The following C9 variants were observed in gnomAD, a reference collection of about 807,000 sequenced individuals.
The protein encoded by C9 is complement C9, also known as complement component C9.
A neutral mutation model predicts 65.4 loss-of-function variants in C9; 63 were observed. That is an observed-to-expected ratio of 0.96 (90% CI 0.79 to 1.19). The LOEUF (loss-of-function observed/expected upper bound fraction) is 1.19, where lower values mean the gene tolerates loss of function less well. Among genes scored for constraint, C9 ranks in the 50% most tolerant of loss-of-function variants. The probability of loss-of-function intolerance (pLI) is 0.00; values close to 1 mark genes in which losing one functional copy is unlikely to be tolerated. For missense variants in C9, 744 were observed against 670.1 expected (o/e 1.11, Z -1.22); for synonymous variants, 229 against 227.9 (o/e 1.00, Z -0.04).
At chr5:39,325,622 A>G (rs184305733) in intron 5 of C9, among the ~76,000 whole-genome samples, 130 of 152,230 alleles carry the variant, frequency 8.5e-4, no homozygotes, top group Non-Finnish European at 1.4e-3. Flanking sequence ...AAATACAAAA[A>G]TTAGCTGAGC....
rs371896549 is a variant in C9, at chr5:39,309,269, AAC to A, written c.1112-913_1112-912del. Among the ~76,000 whole-genome samples the A allele has an allele frequency of 1.2e-3, 184 of 151,082 alleles. 3 individuals are homozygous for A. In the South Asian group the frequency reaches 0.035, roughly 29 times the overall value. ...ATTTATCATTTATTTCATACATGCA[AAC>A]ACACACACACACACATACACACGAA... On this transcript the variant is annotated intron_variant, in intron 7 of 10. Coordinates refer to ENST00000263408, the MANE Select transcript of C9 (RefSeq NM_001737.5).
At chr5:39,302,461 G>A (rs1262111531) in intron 9 of C9, among the ~76,000 whole-genome samples, 1 of 152,072 alleles carries the variant, frequency 6.6e-6, no homozygotes, top group Non-Finnish European at 1.5e-5. Context: ...TTGATAGAAT[G>A]AGTGTTGTTT....
At position 39,284,997 on chromosome 5, in the gene C9, A is replaced by C. The variant is rs944138898; in HGVS notation, c.*202T>G. ...CACTGTTGACTTCTCATTAGGGAAC[A>C]AAAAATGGAAACATCACAGGAGTTT... is the stretch of plus-strand genomic sequence containing the variant. On this transcript the variant is annotated 3_prime_UTR_variant, in exon 11 of 11. Coordinates refer to ENST00000263408, the MANE Select transcript of C9 (RefSeq NM_001737.5). 1.9e-5 allele frequency: 10 copies of C among 537,430 alleles called. No homozygotes were observed. Among genetic ancestry groups the C allele is most frequent in the Admixed American group, 3.2e-5 (1 of 31,316 alleles). The allele number at this position is 537,430 out of a possible 1,614,324, so 33.3% of individuals were successfully genotyped here. A position where few individuals can be genotyped will look rare whatever the true frequency, so the allele number is the denominator to read the frequency against.
intron 1 of C9, among the ~76,000 whole-genome samples, chr5:39,355,836 T>G (rs543158727): frequency 6.6e-6 from 1 of 152,338 alleles, no homozygotes; most frequent in East Asian, 1.9e-4. Context: ...TCTCCCTGTG[T>G]CTTCACATGG....
rs1422453472 is a variant in C9, at chr5:39,284,526, C to A, written c.*673G>T. On this transcript the variant is annotated 3_prime_UTR_variant, in exon 11 of 11. Transcript: ENST00000263408. Reference sequence around the variant, plus strand: ...AGTTTATGTTCATTCTATTCTGCTACTGAACACTATCTATATTATTCCTTT... The same window carrying A: ...AGTTTATGTTCATTCTATTCTGCTAATGAACACTATCTATATTATTCCTTT... 6.6e-6 allele frequency: 1 copy of A among 152,214 alleles called. No homozygotes were observed. The highest frequency in any genetic ancestry group is 2.4e-5 in the African/African-American group (1 of 41,456). 9.4% of individuals were successfully genotyped at this position (152,214 alleles called of 1,614,324 possible). A position where few individuals can be genotyped will look rare whatever the true frequency, so the allele number is the denominator to read the frequency against.
At chr5:39,332,370 C>T (rs914879098) in intron 4 of C9, among the ~76,000 whole-genome samples, 3 of 152,172 alleles carry the variant, frequency 2.0e-5, no homozygotes, top group Admixed American at 2.0e-4. Context: ...CCGTTATGCT[C>T]TCCAAGATGA....
chr5:39,358,444 G>A (rs1434688250), intron 1 of C9, among the ~76,000 whole-genome samples: 2 of 152,182 alleles, frequency 1.3e-5, no homozygotes, highest in African/African-American at 2.4e-5. Context: ...GAAGGGTGCA[G>A]CTCCACCTTG....
rs764893805 is a variant in C9, at chr5:39,315,806, T to A, written c.839A>T (p.Tyr280Phe). 6.2e-7 allele frequency: 1 copy of A among 1,606,290 alleles called. No homozygotes were observed. ...TGAAGAATATGACAAAAATAGTTGG[T>A]AAGTTTCATTTTTGGAATATGAAAA... The part of the protein sequence containing the change: ...FRFSYSKNET[Y>F]QLFLSYSSKK... Residue 280 changes from tyrosine (Y) to phenylalanine (F), a missense_variant, in exon 6 of 11, where the codon TAC (tyrosine) becomes TTC (phenylalanine). Tyr to Phe is a conservative substitution (Grantham distance 22, BLOSUM62 3). Coordinates refer to ENST00000263408, the MANE Select transcript of C9 (RefSeq NM_001737.5).
intron 1 of C9, among the ~76,000 whole-genome samples, chr5:39,358,319 C>A (rs1247161964): frequency 6.6e-6 from 1 of 152,088 alleles, no homozygotes; most frequent in Non-Finnish European, 1.5e-5. Flanking sequence ...TAAAGTTTTC[C>A]AAGCTAAGGG....
At chr5:39,335,271 A>G (rs1753941349) in intron 4 of C9, among the ~76,000 whole-genome samples, 1 of 152,204 alleles carries the variant, frequency 6.6e-6, no homozygotes, top group South Asian at 2.1e-4. Flanking sequence ...TGTGTTGTAC[A>G]GTGTTTGCAA....
At chr5:39,340,215 A>G (rs753314070) in intron 4 of C9, among the ~76,000 whole-genome samples, 1 of 152,244 alleles carries the variant, frequency 6.6e-6, no homozygotes, top group South Asian at 2.1e-4. Flanking sequence ...AGCACCTACT[A>G]TGACCCAGGC....
intron 6 of C9, among the ~76,000 whole-genome samples, chr5:39,311,760 T>G (rs1438082445): frequency 6.6e-6 from 1 of 152,272 alleles, no homozygotes; most frequent in East Asian, 1.9e-4. Context: ...CAGAATAGCT[T>G]AAAATTGAAA....
intron 1 of C9, among the ~76,000 whole-genome samples, chr5:39,351,407 A>T (rs1754319934): frequency 6.6e-6 from 1 of 152,202 alleles, no homozygotes. Context: ...TCCCCAGAAA[A>T]TGAGTTTCTC....
rs1753040740 is a variant in C9, at chr5:39,288,913, T to C, written c.1455A>G (p.Lys485=). 5 of 1,610,496 alleles carry C rather than the reference T, an allele frequency of 3.1e-6. No homozygotes were observed. The highest frequency in any genetic ancestry group is 4.2e-6 in the Non-Finnish European group (5 of 1,177,262). The change falls in exon 10 of 11, where the codon AAA becomes AAG. Residue 485 remains lysine (K), a synonymous_variant. Coordinates refer to ENST00000263408, the MANE Select transcript of C9 (RefSeq NM_001737.5). The stretch of plus-strand genomic sequence containing the variant: ...AGTTTTGTTTCTTTAGGTGTGCATT[T>C]TTCATTTTCACTGGAACCAGATTAT... ...PIYNLVPVKM[K]NAHLKKQNLE...
At position 39,350,841 on chromosome 5, in the gene C9, G is replaced by A. The variant is rs149161967; in HGVS notation, c.78-8645C>T. On this transcript the variant is annotated intron_variant, in intron 1 of 10. Transcript: ENST00000263408. Reference sequence around the variant, plus strand: ...GCAAGTTGGTGGATCTACCAATCTGGGGTCTGGAGGATGGTGGCCCTTTTC... The same window carrying A: ...GCAAGTTGGTGGATCTACCAATCTGAGGTCTGGAGGATGGTGGCCCTTTTC... 1.5e-3 allele frequency among the ~76,000 whole-genome samples: 223 copies of A among 152,270 alleles called. 1 individual carries two copies. Among genetic ancestry groups the A allele is most frequent in the African/African-American group, 4.0e-3 (165 of 41,554 alleles).
chr5:39,338,129 C>T (rs796632848), intron 4 of C9, among the ~76,000 whole-genome samples: 7 of 152,268 alleles, frequency 4.6e-5, no homozygotes, highest in African/African-American at 1.7e-4. Flanking sequence ...TTTGAAACCT[C>T]TTCCTAAATA....
At chr5:39,290,763 A>G (rs1023880977) in intron 9 of C9, among the ~76,000 whole-genome samples, 2 of 151,778 alleles carry the variant, frequency 1.3e-5, no homozygotes, top group African/African-American at 4.8e-5. Context: ...GAGTTAGTAG[A>G]GAGACTAGGA....
intron 1 of C9, among the ~76,000 whole-genome samples, chr5:39,357,705 C>T (rs538074170): frequency 2.0e-5 from 3 of 152,292 alleles, no homozygotes; most frequent in Non-Finnish European, 4.4e-5. Context: ...AATCCTCTCG[C>T]AGGTGGTGTG....
chr5:39,301,328 G>C (rs753161720), intron 9 of C9, among the ~76,000 whole-genome samples: 1 of 151,952 alleles, frequency 6.6e-6, no homozygotes, highest in African/African-American at 2.4e-5. Context: ...ACCTATAACA[G>C]ATTGGGAGAC....
Sources: allele counts gnomAD v4.1 joint callset (sites outside exome capture counted in the v4.1 genomes callset), GRCh38; gene constraint gnomAD v4.1.1; transcripts MANE v1.5; gene names NCBI Gene and HGNC (gene_info 2026-07-23, HGNC 2026-07-21).